RTN1: variants seen among roughly 807,000 people sequenced by gnomAD.
RTN1 encodes the protein reticulon 1.
RTN1 carries 25 observed loss-of-function variants against 65.5 expected under a neutral mutation model. That is an observed-to-expected ratio of 0.38 (90% CI 0.28 to 0.53). RTN1 has a LOEUF of 0.53. Ranked by LOEUF, RTN1 falls within the 20% of genes least tolerant of loss-of-function variation. The probability of loss-of-function intolerance (pLI) is 0.79; values close to 1 mark genes in which losing one functional copy is unlikely to be tolerated. For synonymous variants in RTN1, 471 were observed against 447.6 expected (o/e 1.05, Z -0.66); for missense variants, 983 against 1,025.4 (o/e 0.96, Z 0.57).
intron 3 of RTN1, among the ~76,000 whole-genome samples, chr14:59,664,542 T>C (rs762987894): frequency 2.1e-4 from 32 of 152,178 alleles, no homozygotes; most frequent in Non-Finnish European, 3.2e-4. Context: ...TTTTATTTAA[T>C]AGAGTCTTGA....
At chr14:59,604,340 T>C (rs1881675783) in intron 5 of RTN1, 1 of 155,520 alleles carries the variant, frequency 6.4e-6, no homozygotes, top group Non-Finnish European at 1.4e-5. Flanking sequence ...CCCTTCCTTT[T>C]TGTACTGTCT....
intron 1 of RTN1, among the ~76,000 whole-genome samples, chr14:59,786,314 G>A (rs1031848353): frequency 4.6e-5 from 7 of 152,164 alleles, no homozygotes; most frequent in Non-Finnish European, 1.0e-4. Flanking sequence ...AACTTTTAGA[G>A]CCTTAATTCA....
chr14:59,644,580 C>G (rs1401914966), intron 3 of RTN1, among the ~76,000 whole-genome samples: 1 of 152,136 alleles, frequency 6.6e-6, no homozygotes, highest in Non-Finnish European at 1.5e-5. Flanking sequence ...GGTTAGACCC[C>G]CATACATACC....
At chr14:59,782,655 G>A (rs943057581) in intron 1 of RTN1, among the ~76,000 whole-genome samples, 2 of 152,250 alleles carry the variant, frequency 1.3e-5, no homozygotes, top group South Asian at 2.1e-4. Context: ...AATGGATAGG[G>A]TAGAACAATG....
At chr14:59,769,028 C>A (rs929112870) in intron 1 of RTN1, among the ~76,000 whole-genome samples, 7 of 152,078 alleles carry the variant, frequency 4.6e-5, no homozygotes, top group African/African-American at 1.7e-4. Flanking sequence ...GTATCCTGGA[C>A]AAAGTAGGAT....
chr14:59,721,110 G>A (rs2139467927), intron 3 of RTN1, among the ~76,000 whole-genome samples: 1 of 152,204 alleles, frequency 6.6e-6, no homozygotes, highest in South Asian at 2.1e-4. Context: ...ATAATGAAAA[G>A]TGATAACAAA....
rs1476539150 is a variant in RTN1, at chr14:59,854,961, T to C, written c.241+15429A>G. On this transcript the variant is annotated intron_variant, in intron 1 of 8. Coordinates refer to ENST00000267484, the MANE Select transcript of RTN1 (RefSeq NM_021136.3). ...AAGTAACTTAGCTTATGTGTGCATA[T>C]AAGTACAGATCAGAAATCAGTAAGT... Among the ~76,000 whole-genome samples the C allele has an allele frequency of 2.6e-5, 4 of 152,226 alleles. No individual in the cohort carries two copies. In the East Asian group the frequency reaches 7.7e-4, roughly 29 times the overall value.
chr14:59,842,252 A>G (rs1185370166), intron 1 of RTN1, among the ~76,000 whole-genome samples: 2 of 152,192 alleles, frequency 1.3e-5, no homozygotes, highest in Non-Finnish European at 2.9e-5. Context: ...ACATTCATAA[A>G]TGTGTATGCA....
At position 59,850,929 on chromosome 14, in the gene RTN1, C is replaced by T. The variant is rs530133570; in HGVS notation, c.241+19461G>A. ...CTGTTTTTACAATTTTAAAACAAGG[C>T]TGTGGAGTTGAGCATTTCCATTTCA... On this transcript the variant is annotated intron_variant, in intron 1 of 8. Transcript: ENST00000267484. 1.6e-3 allele frequency among the ~76,000 whole-genome samples: 248 copies of T among 152,244 alleles called. 2 individuals carry two copies. The highest frequency in any genetic ancestry group is 2.2e-3 in the Admixed American group (34 of 15,290).
intron 1 of RTN1, among the ~76,000 whole-genome samples, chr14:59,828,168 T>C (rs1389251163): frequency 6.6e-6 from 1 of 152,226 alleles, no homozygotes; most frequent in Non-Finnish European, 1.5e-5. Flanking sequence ...TCGTGTATCT[T>C]TGAAATCATC....
At chr14:59,756,779 C>A (rs1594727298) in intron 1 of RTN1, among the ~76,000 whole-genome samples, 1 of 146,676 alleles carries the variant, frequency 6.8e-6, no homozygotes, top group African/African-American at 2.5e-5. Context: ...TGCTCCCCAC[C>A]CCCCACACAG....
intron 3 of RTN1, among the ~76,000 whole-genome samples, chr14:59,659,774 C>T (rs1320308059): frequency 1.3e-5 from 2 of 152,174 alleles, no homozygotes; most frequent in Admixed American, 1.3e-4. Flanking sequence ...CAGTACCAGC[C>T]ACTGCAAAAA....
intron 3 of RTN1, chr14:59,630,955 A>G: frequency 1.2e-5 from 7 of 561,766 alleles, no homozygotes; most frequent in South Asian, 7.7e-5. Flanking sequence ...TGCATATTCT[A>G]GAAATTTCTG....
chr14:59,678,297 T>C (rs1198563357), intron 3 of RTN1, among the ~76,000 whole-genome samples: 1 of 152,224 alleles, frequency 6.6e-6, no homozygotes, highest in Admixed American at 6.5e-5. Flanking sequence ...CCTAGCTCAA[T>C]CATTTTAGCT....
intron 1 of RTN1, among the ~76,000 whole-genome samples, chr14:59,813,427 A>G (rs1340942815): frequency 6.6e-6 from 1 of 152,220 alleles, no homozygotes; most frequent in Non-Finnish European, 1.5e-5. Flanking sequence ...TTAAAAAAAT[A>G]CTTTTGTATT....
rs1320118253 is a variant in RTN1, at chr14:59,816,105, C to T, written c.241+54285G>A. On this transcript the variant is annotated intron_variant, in intron 1 of 8. Coordinates refer to ENST00000267484, the MANE Select transcript of RTN1 (RefSeq NM_021136.3). The surrounding 1 kb of genome is among the most constrained non-coding windows in gnomAD (Gnocchi z 4.3). ...ATACACAGAAACACAATTTCTCTCT[C>T]CCTAACACTTGAGTGTAGGATCCTT... is the stretch of plus-strand genomic sequence containing the variant. 6.6e-6 allele frequency among the ~76,000 whole-genome samples: 1 copy of T among 152,174 alleles called. No homozygotes were observed. The highest frequency in any genetic ancestry group is 1.5e-5 in the Non-Finnish European group (1 of 68,036).
At chr14:59,784,875 G>A (rs1275495687) in intron 1 of RTN1, among the ~76,000 whole-genome samples, 1 of 152,180 alleles carries the variant, frequency 6.6e-6, no homozygotes, top group Non-Finnish European at 1.5e-5. Context: ...ATGAAAAATA[G>A]GAGTGGAAGC....
chr14:59,825,691 G>A lies in RTN1; in HGVS notation c.241+44699C>T, dbSNP rs552727358. Among the ~76,000 whole-genome samples, 4 of 152,326 alleles carry A rather than the reference G, an allele frequency of 2.6e-5. No homozygotes were observed. The South Asian group carries it at 6.2e-4, about 24-fold the overall frequency. ...GGTGGCCAAGGAATAGTGTTACTGT[G>A]TGCTCTTAGAGTTACACAGAATTTT... On this transcript the variant is annotated intron_variant, in intron 1 of 8. Coordinates refer to ENST00000267484, the MANE Select transcript of RTN1 (RefSeq NM_021136.3). The surrounding 1 kb of genome is among the most constrained non-coding windows in gnomAD (Gnocchi z 4.2).
chr14:59,666,688 A>C (rs946145240), intron 3 of RTN1, among the ~76,000 whole-genome samples: 3 of 152,108 alleles, frequency 2.0e-5, no homozygotes, highest in African/African-American at 7.2e-5. Context: ...AAATTGATAG[A>C]CCGCTAGCAA....
Sources: gnomAD v4.1 joint callset for allele counts (sites outside exome capture counted in the v4.1 genomes callset) on GRCh38, gnomAD v4.1.1 for gene constraint, Gnocchi (gnomAD v3.1) non-coding constraint, MANE v1.5 for transcripts, NCBI Gene and HGNC (gene_info 2026-07-23, HGNC 2026-07-21) for gene names.